SMS: variants seen among roughly 807,000 people sequenced by gnomAD.
The protein encoded by SMS is spermidine aminopropyltransferase.
SMS carries 3 observed loss-of-function variants against 33.0 expected under a neutral mutation model. The ratio of observed to expected loss-of-function variants is 0.09; its 90% CI spans 0.04 to 0.23. The LOEUF (loss-of-function observed/expected upper bound fraction) is 0.23, where lower values mean the gene tolerates loss of function less well. Ranked by LOEUF, SMS falls within the 10% of genes least tolerant of loss-of-function variation. The pLI, the probability that SMS is intolerant of heterozygous loss-of-function variation, is 1.00. For missense variants in SMS, 117 were observed against 288.6 expected, an observed-to-expected ratio of 0.41 and a Z score of 4.31; for synonymous variants, 103 against 112.2, an observed-to-expected ratio of 0.92 and a Z score of 0.52.
chrX:21,960,771 A>G (rs1923289738), intron 1 of SMS, among the ~76,000 whole-genome samples: 1 of 111,761 alleles, frequency 8.9e-6, no homozygotes, highest in Admixed American at 9.5e-5. Context: ...TTGACAACAC[A>G]CAAGACAGTT....
intron 1 of SMS, among the ~76,000 whole-genome samples, chrX:21,954,362 A>G (rs1384770902): frequency 8.9e-6 from 1 of 112,039 alleles, no homozygotes; most frequent in Non-Finnish European, 1.9e-5. Flanking sequence ...CCTTTACAGA[A>G]AAAGCTTGCC....
At chrX:21,950,996 T>C (rs987801373) in intron 1 of SMS, among the ~76,000 whole-genome samples, 1 of 112,178 alleles carries the variant, frequency 8.9e-6, no homozygotes, top group Non-Finnish European at 1.9e-5. Context: ...GTTTTTCCGG[T>C]TCTAGATCCT....
chrX:21,987,258 A>G (rs1251259150), intron 9 of SMS, among the ~76,000 whole-genome samples: 2 of 112,171 alleles, frequency 1.8e-5, no homozygotes, highest in East Asian at 2.8e-4. Context: ...CGGCCTCCCA[A>G]AGTGCTGGGA....
intron 6 of SMS, 34 bp from the exon 7 acceptor site, chrX:21,978,843 G>A (rs1361865384): frequency 2.0e-6 from 2 of 995,869 alleles, no homozygotes; most frequent in African/African-American, 1.9e-5. Flanking sequence ...AGAATTCTTT[G>A]ATATACCCAA....
At chrX:21,948,447 T>C (rs1435583934) in intron 1 of SMS, among the ~76,000 whole-genome samples, 6 of 105,068 alleles carry the variant, frequency 5.7e-5, no homozygotes, top group Non-Finnish European at 9.7e-5. Flanking sequence ...GTCTTTTTTT[T>C]TTTTTTTTTA....
intron 1 of SMS, among the ~76,000 whole-genome samples, chrX:21,963,746 A>G (rs1923518134): frequency 1.8e-5 from 2 of 111,900 alleles, no homozygotes; most frequent in African/African-American, 3.3e-5. Flanking sequence ...AGCCTGGTCA[A>G]TTACACGCAG....
intron 3 of SMS, 40 bp downstream of exon 3, chrX:21,972,030 A>G (rs1924197370): frequency 2.3e-6 from 2 of 871,145 alleles, no homozygotes; most frequent in East Asian, 3.1e-5. Context: ...TTTAAGGATC[A>G]TAGTATCTGC....
intron 7 of SMS, among the ~76,000 whole-genome samples, chrX:21,980,429 A>AAAAAATATATAT (rs1260210326): frequency 3.2e-4 from 20 of 63,045 alleles, no homozygotes; most frequent in East Asian, 1.3e-3. Flanking sequence ...AAAAAAAAAA[A>AAAAAATATATAT]ATATATATAT....
intron 8 of SMS, 107 bp downstream of exon 8, chrX:21,984,525 G>C: frequency 1.7e-6 from 1 of 585,382 alleles, no homozygotes; most frequent in Non-Finnish European, 2.9e-6. Context: ...TTTTGAAAAA[G>C]GGAGTTAAAT....
intron 1 of SMS, among the ~76,000 whole-genome samples, chrX:21,957,370 C>T (rs1281153865): frequency 9.1e-6 from 1 of 109,961 alleles, no homozygotes; most frequent in Non-Finnish European, 1.9e-5. Context: ...CGTCTCGGCT[C>T]ACTGCAACCT....
At chrX:21,943,504 C>T (rs1273069202) in intron 1 of SMS, among the ~76,000 whole-genome samples, 1 of 111,158 alleles carries the variant, frequency 9.0e-6, no homozygotes, top group Non-Finnish European at 1.9e-5. Flanking sequence ...GTGTATAGAT[C>T]AGAATAGAAC....
In SMS at chrX:21,951,475, C is replaced by G. The variant is rs965184815; in HGVS notation, c.49+10602C>G. On this transcript the variant is annotated intron_variant, in intron 1 of 10. Coordinates refer to ENST00000404933, the MANE Select transcript of SMS (RefSeq NM_004595.5). ...CATTTGTCAATTTTGGCTTTTGTTG[C>G]AGTTGCTTTTGGTGTTTTTTTGTCA... Among the ~76,000 whole-genome samples, 4 of 111,828 alleles carry G rather than the reference C, an allele frequency of 3.6e-5. No homozygotes were observed. The East Asian group carries it at 8.4e-4, about 24-fold the overall frequency.
intron 1 of SMS, among the ~76,000 whole-genome samples, chrX:21,945,634 T>TCCCCCCCCCCCCCCCC (rs376720187): frequency 2.1e-4 from 7 of 34,135 alleles, no homozygotes; most frequent in African/African-American, 3.7e-4. Flanking sequence ...TTGCTTCCCG[T>TCCCCCCCCCCCCCCCC]CCCCCCCCCC....
chrX:21,994,684 G>C lies in SMS; in HGVS notation c.*333G>C. The stretch of plus-strand genomic sequence containing the variant: ...TTTGTTTTGGTAGATCTTCAATTTG[G>C]ATATTTGGAGGAGTGAACATCGTTG... On this transcript the variant is annotated 3_prime_UTR_variant, in exon 11 of 11. Transcript: ENST00000404933. The C allele has an allele frequency of 1.2e-6, 1 of 817,042 alleles. No homozygotes were observed. 67.3% of individuals were successfully genotyped at this position (817,042 alleles called of 1,213,427 possible). A position where few individuals can be genotyped will look rare whatever the true frequency, so the allele number is the denominator to read the frequency against.
chrX:21,980,978 T>C (rs563151691), intron 7 of SMS, among the ~76,000 whole-genome samples: 1 of 112,097 alleles, frequency 8.9e-6, no homozygotes, highest in African/African-American at 3.2e-5. Context: ...TAAGATGTTA[T>C]TGAAAGACAT....
chrX:21,984,216 C>T (rs762369407), intron 7 of SMS, 88 bp from the exon 8 acceptor site: 29 of 634,878 alleles, frequency 4.6e-5, no homozygotes, highest in Non-Finnish European at 6.7e-5. Context: ...CCATACTTGG[C>T]GCTTTTTTCC....
Position 21,971,956 on chromosome X carries a change from A to T in SMS, c.230A>T (p.Asp77Val). The change falls in exon 3 of 11, where the codon GAT becomes GTT. Residue 77 changes from aspartate to valine, a missense_variant. Transcript: ENST00000404933. ...GTGTTGCTGGACCTTCAGAGTTATGATGGTGATGCGCAAGGCAAAGAAGAG... is the reference window on the plus strand; with the variant it reads ...GTGTTGCTGGACCTTCAGAGTTATGTTGGTGATGCGCAAGGCAAAGAAGAG... ...GLVLLDLQSY[D>V]GDAQGKEEID... 1 of 1,201,756 alleles carries T rather than the reference A, an allele frequency of 8.3e-7. No individual in the cohort carries two copies. Among genetic ancestry groups the T allele is most frequent in the Non-Finnish European group, 1.1e-6 (1 of 886,776 alleles).
intron 10 of SMS, 26 bp from the exon 11 acceptor site, chrX:21,994,286 C>T (rs746003519): frequency 1.2e-5 from 14 of 1,192,147 alleles, no homozygotes; most frequent in Non-Finnish European, 1.6e-5. Context: ...GAATTACCTG[C>T]TTTTATTCCT....
At chrX:21,974,528 T>A (rs1224167219) in intron 4 of SMS, among the ~76,000 whole-genome samples, 2 of 111,734 alleles carry the variant, frequency 1.8e-5, no homozygotes, top group Non-Finnish European at 3.8e-5. Context: ...AATGAACAGG[T>A]TCCCCACTGT....
Sources: gnomAD v4.1 joint callset for allele counts (sites outside exome capture counted in the v4.1 genomes callset) on GRCh38, gnomAD v4.1.1 for gene constraint, MANE v1.5 for transcripts, NCBI Gene and HGNC (gene_info 2026-07-23, HGNC 2026-07-21) for gene names.